NF2: variants seen among roughly 807,000 people sequenced by gnomAD.
NF2 encodes merlin.
A neutral mutation model predicts 83.7 loss-of-function variants in NF2; 8 were observed. That is an observed-to-expected ratio of 0.10 (90% confidence interval 0.06 to 0.17). The LOEUF (loss-of-function observed/expected upper bound fraction) is 0.17, where lower values mean the gene tolerates loss of function less well. Ranked by LOEUF, NF2 falls within the 10% of genes least tolerant of loss-of-function variation. NF2 has a pLI of 1.00. For missense variants in NF2, 533 were observed against 744.4 expected (o/e 0.72, Z 3.31); for synonymous variants, 266 against 269.6 (o/e 0.99, Z 0.13).
At chr22:29,671,677 G>A in intron 10 of NF2, 149 bp from the exon 11 acceptor site, 1 of 1,055,790 alleles carries the variant, frequency 9.5e-7, no homozygotes, top group Non-Finnish European at 1.4e-6. Context: ...CGGGGTGGGG[G>A]GCAATAAGAA....
intron 8 of NF2, among the ~76,000 whole-genome samples, chr22:29,663,330 C>T (rs950783511): frequency 4.6e-5 from 7 of 152,334 alleles, no homozygotes; most frequent in Admixed American, 1.3e-4. Context: ...TATGGCCTGA[C>T]ACAGTAAACT....
At chr22:29,626,462 A>G (rs1365304888) in intron 1 of NF2, among the ~76,000 whole-genome samples, 1 of 152,110 alleles carries the variant, frequency 6.6e-6, no homozygotes, top group Non-Finnish European at 1.5e-5. Flanking sequence ...CCATCTGCAG[A>G]TATTTTTACC....
intron 1 of NF2, among the ~76,000 whole-genome samples, chr22:29,635,233 C>T (rs2065617191): frequency 6.6e-6 from 1 of 152,094 alleles, no homozygotes; most frequent in South Asian, 2.1e-4. Context: ...TTGAAAACTC[C>T]CCTGTAGAAT....
rs202026627 is a variant in NF2, at chr22:29,643,680, G to A, written c.447+1395G>A. ...TACAGAACAAAATGAAAAGTCTCCCGTGTCTACTTCTTTCTACACAGACAC... is the reference window on the plus strand; with the variant it reads ...TACAGAACAAAATGAAAAGTCTCCCATGTCTACTTCTTTCTACACAGACAC... On this transcript the variant is annotated intron_variant, in intron 4 of 15. Transcript: ENST00000338641. 9.6e-3 allele frequency among the ~76,000 whole-genome samples: 1,463 copies of A among 151,964 alleles called. 19 individuals carry two copies. Among genetic ancestry groups the A allele is most frequent in the African/African-American group, 0.033 (1,348 of 41,370 alleles).
chr22:29,642,052 T>TAAA, intron 3 of NF2, 150 bp from the exon 4 acceptor site: 3 of 586,068 alleles, frequency 5.1e-6, no homozygotes, highest in Non-Finnish European at 6.2e-6. Flanking sequence ...TCTGCATCAG[T>TAAA]AAAAAAAAAA....
Position 29,697,457 on chromosome 22 carries a change from GGA to G in NF2, c.*2659_*2660del, listed in dbSNP as rs1274449589. The G allele has an allele frequency of 5.3e-6, 1 of 189,004 alleles. No individual in the cohort carries two copies. The highest frequency in any genetic ancestry group is 2.3e-5 in the African/African-American group (1 of 42,752). 11.7% of individuals were successfully genotyped at this position (189,004 alleles called of 1,614,324 possible). On this transcript the variant is annotated 3_prime_UTR_variant, in exon 16 of 16. Coordinates refer to ENST00000338641, the MANE Select transcript of NF2 (RefSeq NM_000268.4). ...GTGCCTCCCCACAGATGGAGAAGGT[GGA>G]GAGGAGGATGGGCCTCAGGAGCATC...
At chr22:29,640,771 GT>G in intron 3 of NF2, among the ~76,000 whole-genome samples, 1 of 2,882 alleles carries the variant, frequency 3.5e-4, no homozygotes, top group Non-Finnish European at 9.8e-4. Context: ...TGGGGGGCGT[GT>G]GTGTGTGTGT....
At chr22:29,622,502 A>C (rs1320149266) in intron 1 of NF2, among the ~76,000 whole-genome samples, 1 of 152,152 alleles carries the variant, frequency 6.6e-6, no homozygotes, top group Non-Finnish European at 1.5e-5. Context: ...ATGCCCACCT[A>C]GATAGCAATT....
intron 1 of NF2, 58 bp downstream of exon 1, chr22:29,604,170 T>G (rs1379226479): frequency 7.3e-7 from 1 of 1,361,584 alleles, no homozygotes. Flanking sequence ...GCTCGAGAGG[T>G]TCTCTTTATA....
intron 1 of NF2, among the ~76,000 whole-genome samples, chr22:29,611,662 A>G (rs186658506): frequency 1.8e-3 from 268 of 152,372 alleles, no homozygotes; most frequent in African/African-American, 5.7e-3. Context: ...AAGAAAATGC[A>G]ATAAAATACA....
chr22:29,691,189 T>TG (rs1456922190), intron 15 of NF2, among the ~76,000 whole-genome samples: 1 of 152,128 alleles, frequency 6.6e-6, no homozygotes, highest in Non-Finnish European at 1.5e-5. Context: ...CCCGCCCTCC[T>TG]GGGGGGACTC....
chr22:29,673,274 G>A lies in NF2; in HGVS notation c.1128G>A (p.Arg376=). The A allele has an allele frequency of 6.4e-7, 1 of 1,570,596 alleles. No homozygotes were observed. Among genetic ancestry groups the A allele is most frequent in the Non-Finnish European group, 8.6e-7 (1 of 1,157,404 alleles). Residue 376 remains arginine, a synonymous_variant, in exon 12 of 16, where the codon CGG becomes CGA. Coordinates refer to ENST00000338641, the MANE Select transcript of NF2 (RefSeq NM_000268.4). ...EATMANEALM[R]SEETADLLAE... ...AAGAGCACTGTGCCCTCCAGATGCG[G>A]TCTGAGGAGACAGCTGACCTGTTGG...
intron 4 of NF2, among the ~76,000 whole-genome samples, chr22:29,653,945 C>G (rs951801884): frequency 6.6e-6 from 1 of 151,102 alleles, no homozygotes; most frequent in South Asian, 2.1e-4. Context: ...CATTCTTTAA[C>G]TTTTGATTAT....
intron 10 of NF2, among the ~76,000 whole-genome samples, chr22:29,671,461 G>A (rs548758567): frequency 3.3e-5 from 5 of 152,210 alleles, no homozygotes; most frequent in South Asian, 2.1e-4. Context: ...CCTGGGAGGC[G>A]GAGGTTGCAG....
intron 13 of NF2, among the ~76,000 whole-genome samples, chr22:29,677,621 C>T (rs1303528808): frequency 6.6e-6 from 1 of 152,160 alleles, no homozygotes; most frequent in African/African-American, 2.4e-5. Context: ...TCCCACCCCA[C>T]CTCTCCACAC....
At chr22:29,686,112 T>C (rs1039027000) in intron 15 of NF2, among the ~76,000 whole-genome samples, 1 of 152,222 alleles carries the variant, frequency 6.6e-6, no homozygotes, top group Non-Finnish European at 1.5e-5. Context: ...AAATAGTCTT[T>C]GCCCCCAGGA....
At chr22:29,689,051 C>T (rs1274540006) in intron 15 of NF2, among the ~76,000 whole-genome samples, 5 of 151,896 alleles carry the variant, frequency 3.3e-5, no homozygotes, top group African/African-American at 4.8e-5. Context: ...TGGTGGCATG[C>T]GCCTGTAGTT....
chr22:29,696,304 C>G lies in NF2; in HGVS notation c.*1502C>G, dbSNP rs1051082050. ...TAGCTAGGCTGGTCTCAAACTCACA[C>G]CTGGGATTACAGGCATGAGCCACTG... On this transcript the variant is annotated 3_prime_UTR_variant, in exon 16 of 16. Transcript: ENST00000338641. The G allele has an allele frequency of 4.6e-6, 1 of 219,386 alleles. No homozygotes were observed. The highest frequency in any genetic ancestry group is 9.1e-6 in the Non-Finnish European group (1 of 109,404). 13.6% of individuals were successfully genotyped at this position (219,386 alleles called of 1,614,324 possible).
At chr22:29,682,305 G>A (rs559745386) in intron 15 of NF2, among the ~76,000 whole-genome samples, 4 of 152,268 alleles carry the variant, frequency 2.6e-5, no homozygotes, top group South Asian at 4.1e-4. Flanking sequence ...TAAAATAGGT[G>A]TTATTAAGAT....
Sources: gnomAD v4.1 joint callset for allele counts (sites outside exome capture counted in the v4.1 genomes callset) on GRCh38, gnomAD v4.1.1 for gene constraint, MANE v1.5 for transcripts, NCBI Gene and HGNC (gene_info 2026-07-23, HGNC 2026-07-21) for gene names.